The following SGCZ variants were observed in gnomAD, a reference collection of about 807,000 sequenced individuals.
The protein encoded by SGCZ is zeta-sarcoglycan.
SGCZ carries 40 observed loss-of-function variants against 41.3 expected under a neutral mutation model. That is an observed-to-expected ratio of 0.97 (90% confidence interval 0.75 to 1.26). SGCZ has a LOEUF of 1.26. SGCZ is among the 50% of genes most tolerant of loss of function. SGCZ has a pLI of 0.00. For synonymous variants in SGCZ, 206 were observed against 137.5 expected, an observed-to-expected ratio of 1.50 and a Z score of -3.49; for missense variants, 552 against 369.8, an observed-to-expected ratio of 1.49 and a Z score of -4.04.
At chr8:14,923,418 T>C (rs1436098071) in intron 1 of SGCZ, among the ~76,000 whole-genome samples, 1 of 152,212 alleles carries the variant, frequency 6.6e-6, no homozygotes, top group Non-Finnish European at 1.5e-5. Context: ...AGAAGTCGGA[T>C]GTGCAGAGAC....
At chr8:14,156,989 T>A (rs1429175016) in intron 5 of SGCZ, among the ~76,000 whole-genome samples, 1 of 152,184 alleles carries the variant, frequency 6.6e-6, no homozygotes, top group Non-Finnish European at 1.5e-5. Context: ...TACAGTATAC[T>A]ATAGTAAATA....
chr8:14,215,607 A>T (rs75064272), intron 4 of SGCZ, among the ~76,000 whole-genome samples: 1 of 152,108 alleles, frequency 6.6e-6, no homozygotes, highest in East Asian at 1.9e-4. Flanking sequence ...ATTTACAAAG[A>T]TGAAAAAAGA....
intron 1 of SGCZ, among the ~76,000 whole-genome samples, chr8:14,702,392 T>C (rs952752106): frequency 6.6e-6 from 1 of 151,952 alleles, no homozygotes; most frequent in Middle Eastern, 3.2e-3. Flanking sequence ...AATCCAGCCC[T>C]TCTAAGTAAT....
intron 1 of SGCZ, among the ~76,000 whole-genome samples, chr8:14,955,914 G>A (rs1800775896): frequency 6.6e-6 from 1 of 151,726 alleles, no homozygotes; most frequent in Admixed American, 6.6e-5. Context: ...GCCATTGAAT[G>A]TACCAATATT....
intron 1 of SGCZ, among the ~76,000 whole-genome samples, chr8:14,704,629 T>C (rs1465856777): frequency 1.3e-5 from 2 of 151,960 alleles, no homozygotes; most frequent in African/African-American, 4.8e-5. Context: ...GCTCACTTTC[T>C]CCATCTTTAA....
intron 1 of SGCZ, among the ~76,000 whole-genome samples, chr8:14,767,063 TG>T (rs1372711484): frequency 7.8e-6 from 1 of 128,356 alleles, no homozygotes. Context: ...TATCATCTGG[TG>T]TTTTATTTTT....
intron 1 of SGCZ, among the ~76,000 whole-genome samples, chr8:14,774,154 A>C (rs1800331599): frequency 6.6e-6 from 1 of 152,198 alleles, no homozygotes; most frequent in Non-Finnish European, 1.5e-5. Context: ...TTATACAATT[A>C]GTCTAAGGCT....
intron 5 of SGCZ, among the ~76,000 whole-genome samples, chr8:14,162,268 G>T (rs1435811046): frequency 6.6e-6 from 1 of 152,134 alleles, no homozygotes; most frequent in Non-Finnish European, 1.5e-5. Flanking sequence ...ACTTATGATT[G>T]TAAAGTACCC....
chr8:14,154,279 G>A (rs1803809521), intron 5 of SGCZ, among the ~76,000 whole-genome samples: 1 of 152,128 alleles, frequency 6.6e-6, no homozygotes, highest in African/African-American at 2.4e-5. Context: ...TGAGGCAGGA[G>A]AATGGCATGA....
chr8:14,449,648 A>C (rs2169424), intron 2 of SGCZ, among the ~76,000 whole-genome samples: 48,355 of 152,038 alleles, frequency 0.32, 9,568 homozygotes, highest in South Asian at 0.49. Context: ...TTGTAAGTAG[A>C]TCTAAAGATA....
intron 4 of SGCZ, among the ~76,000 whole-genome samples, chr8:14,226,510 AT>A (rs1211723440): frequency 6.6e-6 from 1 of 152,070 alleles, no homozygotes; most frequent in African/African-American, 2.4e-5. Context: ...AGACTGACTT[AT>A]TTTACCTAAC....
intron 2 of SGCZ, among the ~76,000 whole-genome samples, chr8:14,396,307 A>G (rs1798917748): frequency 6.6e-6 from 1 of 152,036 alleles, no homozygotes; most frequent in African/African-American, 2.4e-5. Context: ...TATTCTTGTA[A>G]TATTTCCCTT....
intron 2 of SGCZ, among the ~76,000 whole-genome samples, chr8:14,398,529 T>C (rs1798980834): frequency 6.6e-6 from 1 of 152,108 alleles, no homozygotes. Context: ...AAAATTAATA[T>C]AGAGTGTTTA....
chr8:14,617,858 G>GTA (rs150206485), intron 1 of SGCZ, among the ~76,000 whole-genome samples: 75,454 of 151,124 alleles, frequency 0.5, 19,283 homozygotes, highest in East Asian at 0.65. Flanking sequence ...TTATGTGTGT[G>GTA]TGTGTGTGTG....
chr8:14,477,215 G>T (rs909930462), intron 2 of SGCZ, among the ~76,000 whole-genome samples: 4 of 151,972 alleles, frequency 2.6e-5, no homozygotes, highest in Non-Finnish European at 4.4e-5. Context: ...TTATTCATAT[G>T]AATTTTCACT....
At chr8:14,795,648 G>C (rs1397933435) in intron 1 of SGCZ, among the ~76,000 whole-genome samples, 2 of 152,002 alleles carry the variant, frequency 1.3e-5, no homozygotes, top group Non-Finnish European at 2.9e-5. Context: ...AAACAAACTG[G>C]TACAGACTTC....
chr8:14,791,376 C>A (rs1800946296), intron 1 of SGCZ, among the ~76,000 whole-genome samples: 2 of 151,870 alleles, frequency 1.3e-5, no homozygotes, highest in Admixed American at 1.3e-4. Flanking sequence ...TGTGGGAGTG[C>A]GCCTCTAGGA....
chr8:14,360,595 G>A (rs1803475480), intron 2 of SGCZ, among the ~76,000 whole-genome samples: 1 of 151,884 alleles, frequency 6.6e-6, no homozygotes, highest in African/African-American at 2.4e-5. Context: ...AAAAGTGCTG[G>A]GATTACAGGT....
intron 2 of SGCZ, among the ~76,000 whole-genome samples, chr8:14,492,477 C>T (rs1430531538): frequency 6.6e-6 from 1 of 152,102 alleles, no homozygotes; most frequent in African/African-American, 2.4e-5. Context: ...TATACTATTT[C>T]CTGTTTATTT....
Sources: gnomAD v4.1 joint callset for allele counts (sites outside exome capture counted in the v4.1 genomes callset) on GRCh38, gnomAD v4.1.1 for gene constraint, MANE v1.5 for transcripts, NCBI Gene and HGNC (gene_info 2026-07-23, HGNC 2026-07-21) for gene names.